GPRASP3: variants seen among roughly 807,000 people sequenced by gnomAD.
GPRASP3 encodes the protein G protein-coupled receptor associated sorting protein 3.
At chrX:102,729,148 A>G in the GPRASP3 span, among the ~76,000 whole-genome samples, 1 of 112,428 alleles carries the variant, frequency 8.9e-6, no homozygotes, top group Non-Finnish European at 1.9e-5. Context: ...ATATTCTTGC[A>G]GTGAAGGGCC....
At chrX:102,728,014 T>G in the GPRASP3 span, among the ~76,000 whole-genome samples, 1 of 111,461 alleles carries the variant, frequency 9.0e-6, no homozygotes, top group African/African-American at 3.3e-5. Flanking sequence ...TAGAATGTAC[T>G]CCCAGGGCTC....
the GPRASP3 span, among the ~76,000 whole-genome samples, chrX:102,724,111 A>G: frequency 9.0e-6 from 1 of 111,356 alleles, no homozygotes; most frequent in African/African-American, 3.3e-5. Flanking sequence ...TGTCATAGGA[A>G]CTCCTGAATT....
At chrX:102,728,294 C>T in the GPRASP3 span, among the ~76,000 whole-genome samples, 3 of 111,824 alleles carry the variant, frequency 2.7e-5, no homozygotes, top group African/African-American at 9.8e-5. Flanking sequence ...TCAAGTGACC[C>T]TCCCACCTTG....
chrX:102,750,925 CA>C, the GPRASP3 span: 1 of 214,503 alleles, frequency 4.7e-6, no homozygotes, highest in Non-Finnish European at 9.0e-6. Flanking sequence ...CTTAAAATGG[CA>C]AAAAAGAAAA....
At chrX:102,749,647 ACTAT>A in the GPRASP3 span, 1 of 1,209,872 alleles carries the variant, frequency 8.3e-7, no homozygotes, top group Non-Finnish European at 1.1e-6. Flanking sequence ...GTCTGAGGTA[ACTAT>A]CTGGCCCAAT....
the GPRASP3 span, among the ~76,000 whole-genome samples, chrX:102,745,342 T>C: frequency 9.0e-6 from 1 of 111,457 alleles, no homozygotes; most frequent in African/African-American, 3.3e-5. Flanking sequence ...CAGTGGTTGG[T>C]TTCCTAGGGT....
the GPRASP3 span, among the ~76,000 whole-genome samples, chrX:102,734,257 C>A: frequency 8.9e-6 from 1 of 111,875 alleles, no homozygotes; most frequent in Admixed American, 9.5e-5. Flanking sequence ...TCCAAAGTTA[C>A]CAGAAACTTG....
the GPRASP3 span, among the ~76,000 whole-genome samples, chrX:102,741,358 CCTT>C: frequency 1.7e-4 from 19 of 111,852 alleles, no homozygotes; most frequent in Admixed American, 1.8e-3. Flanking sequence ...AAGGTGCCCT[CCTT>C]CTCCTTAGGA....
the GPRASP3 span, among the ~76,000 whole-genome samples, chrX:102,724,462 C>G: frequency 9.0e-6 from 1 of 111,158 alleles, no homozygotes; most frequent in African/African-American, 3.3e-5. Context: ...TTAAAATTAT[C>G]TATGTATCTA....
At chrX:102,737,707 G>C in the GPRASP3 span, among the ~76,000 whole-genome samples, 5 of 111,553 alleles carry the variant, frequency 4.5e-5, no homozygotes, top group Non-Finnish European at 7.5e-5. Flanking sequence ...TGGAAACTTT[G>C]AACTAGACAA....
At chrX:102,744,205 A>C in the GPRASP3 span, among the ~76,000 whole-genome samples, 1 of 112,213 alleles carries the variant, frequency 8.9e-6, no homozygotes, top group South Asian at 3.7e-4. Flanking sequence ...TCACTGCCAT[A>C]ATTTTCTCAT....
the GPRASP3 span, among the ~76,000 whole-genome samples, chrX:102,736,164 A>C: frequency 2.7e-5 from 3 of 112,226 alleles, no homozygotes; most frequent in African/African-American, 9.7e-5. Context: ...TAGCAAACCT[A>C]ATATCTGACT....
At chrX:102,724,494 GTCTA>G in the GPRASP3 span, among the ~76,000 whole-genome samples, 1 of 110,611 alleles carries the variant, frequency 9.0e-6, no homozygotes, top group East Asian at 2.8e-4. Flanking sequence ...CTATCTATGT[GTCTA>G]TCTATCTAAT....
At chrX:102,728,413 T>A in the GPRASP3 span, among the ~76,000 whole-genome samples, 2 of 109,960 alleles carry the variant, frequency 1.8e-5, no homozygotes, top group Non-Finnish European at 3.8e-5. Context: ...TTACAAATTT[T>A]TGGGCTGAGA....
At chrX:102,734,887 T>C in the GPRASP3 span, among the ~76,000 whole-genome samples, 1 of 112,046 alleles carries the variant, frequency 8.9e-6, no homozygotes, top group African/African-American at 3.2e-5. Context: ...TGCTTCCTTA[T>C]ACCAAATAAG....
At chrX:102,750,305 T>C in the GPRASP3 span, 1 of 1,210,281 alleles carries the variant, frequency 8.3e-7, no homozygotes, top group South Asian at 1.8e-5. Context: ...ACTGATTTTG[T>C]CCATCACTAC....
the GPRASP3 span, chrX:102,746,011 T>C: frequency 8.9e-6 from 1 of 111,836 alleles, no homozygotes; most frequent in East Asian, 2.8e-4. Flanking sequence ...TCTTGCAGCA[T>C]CCTGCGCAGC....
At chrX:102,744,646 T>C in the GPRASP3 span, among the ~76,000 whole-genome samples, 5 of 112,064 alleles carry the variant, frequency 4.5e-5, no homozygotes, top group African/African-American at 6.5e-5. Context: ...AAAATGCAGG[T>C]ATTGGTACTT....
At chrX:102,731,707 G>GTGCA in the GPRASP3 span, among the ~76,000 whole-genome samples, 213 of 111,592 alleles carry the variant, frequency 1.9e-3, 2 homozygotes, top group African/African-American at 6.8e-3. Context: ...CAACTTGAAG[G>GTGCA]ACAAGCACAC....
Sources: allele counts gnomAD v4.1 joint callset (sites outside exome capture counted in the v4.1 genomes callset), GRCh38; gene constraint gnomAD v4.1.1; transcripts MANE v1.5; gene names NCBI Gene and HGNC (gene_info 2026-07-23, HGNC 2026-07-21).